The following RGS6 variants were observed in gnomAD, a reference collection of about 807,000 sequenced individuals.
The protein encoded by RGS6 is regulator of G protein signaling 6, also known as regulator of G-protein signaling 6.
Under a neutral mutation model 78.5 loss-of-function variants are expected in RGS6, and 30 were observed. The observed-to-expected ratio is 0.38, with a 90% CI of 0.29 to 0.52. The LOEUF (loss-of-function observed/expected upper bound fraction) is 0.52. RGS6 is among the 20% of genes least tolerant of loss of function. RGS6 has a pLI of 0.85. For synonymous variants in RGS6, 206 were observed against 206.0 expected (o/e 1.00, Z 0.00); for missense variants, 495 against 609.7 (o/e 0.81, Z 1.98).
intron 2 of RGS6, among the ~76,000 whole-genome samples, chr14:72,127,164 T>G (rs1019246796): frequency 9.2e-5 from 14 of 152,188 alleles, no homozygotes; most frequent in Non-Finnish European, 2.1e-4. Context: ...GAGACGAGAT[T>G]ATGATTAACA....
chr14:72,366,266 A>G (rs1185582611), intron 3 of RGS6, among the ~76,000 whole-genome samples: 1 of 152,184 alleles, frequency 6.6e-6, no homozygotes, highest in Admixed American at 6.5e-5. Context: ...AAGAGGGAGA[A>G]GGAATGCCTG....
intron 2 of RGS6, among the ~76,000 whole-genome samples, chr14:72,323,750 C>G (rs2152528798): frequency 7.8e-6 from 1 of 128,146 alleles, no homozygotes; most frequent in East Asian, 2.5e-4. Context: ...TGCAGTGAGC[C>G]CAGCGGCGCC....
At chr14:71,988,467 A>C (rs889295861) in intron 2 of RGS6, among the ~76,000 whole-genome samples, 2 of 152,164 alleles carry the variant, frequency 1.3e-5, no homozygotes, top group African/African-American at 4.8e-5. Flanking sequence ...ATTTTGTGAC[A>C]TGTGAACATT....
rs367689488 is a variant in RGS6, at chr14:72,510,190, C to T, written c.1002C>T (p.Gly334=). 7.4e-6 allele frequency: 12 copies of T among 1,612,788 alleles called. No individual in the cohort carries two copies. Among genetic ancestry groups the T allele is most frequent in the African/African-American group, 4.0e-5 (3 of 74,782 alleles). Residue 334 remains glycine, a synonymous_variant, in exon 14 of 18, where the codon GGC becomes GGT. Coordinates refer to ENST00000553525, the MANE Select transcript of RGS6 (RefSeq NM_001204424.2). ...GCCAACAGCGAGTAAAAAGATGGGG[C>T]TTCTCTTTCGATGAGATATTGAAGG... ...EPSQQRVKRW[G]FSFDEILKDQ...
the RGS6 span, among the ~76,000 whole-genome samples, chr14:72,573,845 A>T: frequency 6.6e-6 from 1 of 152,264 alleles, no homozygotes; most frequent in Middle Eastern, 3.4e-3. Flanking sequence ...ATACACACAC[A>T]TGCACGTGCA....
chr14:72,570,692 G>A (rs528825820), downstream of RGS6, among the ~76,000 whole-genome samples: 5 of 152,254 alleles, frequency 3.3e-5, no homozygotes, highest in African/African-American at 1.2e-4. Context: ...CAGACCCCAG[G>A]GACATGGGGA....
At chr14:71,875,549 G>A in the RGS6 span, among the ~76,000 whole-genome samples, 1 of 151,890 alleles carries the variant, frequency 6.6e-6, no homozygotes, top group Non-Finnish European at 1.5e-5. Context: ...TTCTTTATTA[G>A]TCTTGCTAGC....
chr14:72,187,846 C>T (rs2097268038), intron 2 of RGS6, among the ~76,000 whole-genome samples: 1 of 151,244 alleles, frequency 6.6e-6, no homozygotes, highest in African/African-American at 2.4e-5. Context: ...AAAATCAATG[C>T]TCACTGTGCT....
At chr14:72,133,150 A>G (rs2096364136) in intron 2 of RGS6, among the ~76,000 whole-genome samples, 1 of 152,026 alleles carries the variant, frequency 6.6e-6, no homozygotes, top group African/African-American at 2.4e-5. Context: ...TTCCCGTATC[A>G]TTTTGCAGAT....
chr14:72,074,260 G>A (rs1295571548), intron 2 of RGS6, among the ~76,000 whole-genome samples: 1 of 152,208 alleles, frequency 6.6e-6, no homozygotes, highest in East Asian at 1.9e-4. Context: ...GCAGTGGTGT[G>A]ATCATAGCGC....
intron 2 of RGS6, among the ~76,000 whole-genome samples, chr14:72,009,356 TA>T (rs201651286): frequency 2.7e-5 from 4 of 150,456 alleles, no homozygotes; most frequent in Admixed American, 6.6e-5. Context: ...CCCCAAACTC[TA>T]AAAAAAAACA....
chr14:72,355,787 G>T (rs1473272715), intron 3 of RGS6, among the ~76,000 whole-genome samples: 1 of 152,176 alleles, frequency 6.6e-6, no homozygotes, highest in Admixed American at 6.5e-5. Context: ...AGTAAAGACG[G>T]AAAGGAGATG....
downstream of RGS6, among the ~76,000 whole-genome samples, chr14:72,568,714 G>A (rs2097716890): frequency 6.6e-6 from 1 of 152,218 alleles, no homozygotes; most frequent in Non-Finnish European, 1.5e-5. Flanking sequence ...CCGTTTGTCT[G>A]ACGGACCTCA....
chr14:72,281,930 A>G (rs2061655165), intron 2 of RGS6, among the ~76,000 whole-genome samples: 1 of 152,214 alleles, frequency 6.6e-6, no homozygotes, highest in East Asian at 1.9e-4. Flanking sequence ...TGGAAGACAC[A>G]AAGTCATCGG....
chr14:72,506,345 G>T (rs768145470), intron 13 of RGS6, among the ~76,000 whole-genome samples: 1 of 152,228 alleles, frequency 6.6e-6, no homozygotes, highest in Non-Finnish European at 1.5e-5. Context: ...GATGTAAAGA[G>T]ACTGTGCTTC....
intron 12 of RGS6, among the ~76,000 whole-genome samples, chr14:72,485,646 T>A (rs2096474313): frequency 1.3e-5 from 2 of 152,234 alleles, no homozygotes; most frequent in African/African-American, 2.4e-5. Flanking sequence ...TGTATTGGTT[T>A]GATTCCAAGC....
chr14:72,524,676 G>A (rs572451337), intron 15 of RGS6, among the ~76,000 whole-genome samples: 12 of 152,262 alleles, frequency 7.9e-5, no homozygotes, highest in East Asian at 1.9e-4. Flanking sequence ...TGACCCGTGC[G>A]GCATAATATT....
intron 2 of RGS6, among the ~76,000 whole-genome samples, chr14:72,338,484 C>T (rs943697297): frequency 3.3e-5 from 5 of 152,142 alleles, no homozygotes; most frequent in Non-Finnish European, 4.4e-5. Flanking sequence ...TAGGTCCTCC[C>T]GTAACATGTG....
chr14:72,570,020 T>C (rs1015133635), downstream of RGS6, among the ~76,000 whole-genome samples: 2 of 152,178 alleles, frequency 1.3e-5, no homozygotes, highest in African/African-American at 4.8e-5. Flanking sequence ...AACCCACACA[T>C]TGAAGAGAAT....
Sources: allele counts gnomAD v4.1 joint callset (sites outside exome capture counted in the v4.1 genomes callset), GRCh38; gene constraint gnomAD v4.1.1; transcripts MANE v1.5; gene names NCBI Gene and HGNC (gene_info 2026-07-23, HGNC 2026-07-21).